NPAS3: variants seen among roughly 807,000 people sequenced by gnomAD.
The protein encoded by NPAS3 is neuronal PAS domain protein 3, also known as neuronal PAS domain-containing protein 3.
NPAS3 carries 14 observed loss-of-function variants against 73.1 expected under a neutral mutation model. The observed-to-expected ratio is 0.19, with a 90% CI of 0.13 to 0.30. The LOEUF (loss-of-function observed/expected upper bound fraction) is 0.30. NPAS3 is among the 10% of genes least tolerant of loss of function. The pLI, the probability that NPAS3 is intolerant of heterozygous loss-of-function variation, is 1.00. For missense variants in NPAS3, 1,096 were observed against 1,250.0 expected (o/e 0.88, Z 1.86); for synonymous variants, 620 against 541.5 (o/e 1.14, Z -2.01).
chr14:33,559,158 CTT>C (rs1228858764), intron 4 of NPAS3, among the ~76,000 whole-genome samples: 2 of 152,016 alleles, frequency 1.3e-5, no homozygotes, highest in Non-Finnish European at 2.9e-5. Flanking sequence ...TTTCTTTATT[CTT>C]TCTTTCTTTC....
chr14:33,724,426 G>A (rs2061205268), intron 6 of NPAS3, among the ~76,000 whole-genome samples: 1 of 152,164 alleles, frequency 6.6e-6, no homozygotes, highest in Non-Finnish European at 1.5e-5. Context: ...TTGAGCCCAG[G>A]AGTTCAAGAC....
intron 4 of NPAS3, among the ~76,000 whole-genome samples, chr14:33,463,003 A>G (rs182324226): frequency 1.2e-4 from 18 of 152,354 alleles, no homozygotes; most frequent in Admixed American, 4.6e-4. Flanking sequence ...ACATTCTGTG[A>G]GTTAACGATT....
chr14:33,631,974 T>C (rs1194564492), intron 5 of NPAS3, among the ~76,000 whole-genome samples: 1 of 152,242 alleles, frequency 6.6e-6, no homozygotes, highest in African/African-American at 2.4e-5. Flanking sequence ...TCTTCCTTGC[T>C]GCCCAGCTAG....
chr14:33,065,997 G>C (rs1449686865), intron 2 of NPAS3, among the ~76,000 whole-genome samples: 1 of 152,086 alleles, frequency 6.6e-6, no homozygotes, highest in South Asian at 2.1e-4. Flanking sequence ...TGGGCACAAA[G>C]CATCCTGTCC....
intron 5 of NPAS3, among the ~76,000 whole-genome samples, chr14:33,617,760 GATTTTT>G (rs1286759070): frequency 6.6e-6 from 1 of 152,158 alleles, no homozygotes; most frequent in African/African-American, 2.4e-5. Context: ...TGCTAAGAGT[GATTTTT>G]ATAGCATCTT....
upstream of NPAS3, among the ~76,000 whole-genome samples, chr14:32,937,395 C>T (rs888790980): frequency 3.3e-5 from 5 of 152,098 alleles, no homozygotes; most frequent in African/African-American, 1.2e-4. Flanking sequence ...TGGGAGACTA[C>T]AAGCTTCTCT....
chr14:33,289,036 C>CCCAAGTCA (rs1388883373), intron 3 of NPAS3, among the ~76,000 whole-genome samples: 1 of 152,102 alleles, frequency 6.6e-6, no homozygotes, highest in East Asian at 1.9e-4. Flanking sequence ...CTATGTGTTT[C>CCCAAGTCA]CCAAGTCACT....
chr14:33,154,052 G>A (rs1595562747), intron 2 of NPAS3, among the ~76,000 whole-genome samples: 1 of 152,254 alleles, frequency 6.6e-6, no homozygotes, highest in African/African-American at 2.4e-5. Flanking sequence ...ACTCTTTGTT[G>A]TACAAATATT....
At chr14:32,952,458 A>G (rs1182761793) in intron 1 of NPAS3, among the ~76,000 whole-genome samples, 2 of 152,036 alleles carry the variant, frequency 1.3e-5, no homozygotes, top group African/African-American at 2.4e-5. Context: ...CAAAACAAAC[A>G]TGTTTTCAAT....
chr14:33,518,195 G>C (rs546541716), intron 4 of NPAS3, among the ~76,000 whole-genome samples: 21 of 152,120 alleles, frequency 1.4e-4, no homozygotes, highest in Admixed American at 5.2e-4. Context: ...CTCAGGCAGC[G>C]GGGGAGCCTT....
rs772476493 is a variant in NPAS3, at chr14:32,939,369, A to G, written c.50+3A>G. 2 of 701,450 alleles carry G rather than the reference A, an allele frequency of 2.9e-6. No individual in the cohort carries two copies. Among genetic ancestry groups the G allele is most frequent in the African/African-American group, 1.9e-5 (1 of 51,664 alleles). The allele number at this position is 701,450 out of a possible 1,614,324, so 43.5% of individuals were successfully genotyped here. A position where few individuals can be genotyped will look rare whatever the true frequency, so the allele number is the denominator to read the frequency against. On this transcript the variant is annotated splice_donor_region_variant and intron_variant, in intron 1 of 11. Transcript: ENST00000356141. ...CAGGATCCTTCCAGGCGAGAACGGT[A>G]ACACTTTTCTGTTTATTGAACCTGC...
Position 33,017,757 on chromosome 14 carries a change from T to C in NPAS3, c.51-38148T>C, listed in dbSNP as rs114903674. On this transcript the variant is annotated intron_variant, in intron 1 of 11. Coordinates refer to ENST00000356141, the Ensembl canonical transcript of NPAS3. The stretch of plus-strand genomic sequence containing the variant: ...GAAATATTCCCTAAATGGTAGCTAG[T>C]GCTTATTTAGAATTTACTGCACTAA... 5.3e-3 allele frequency among the ~76,000 whole-genome samples: 801 copies of C among 152,288 alleles called. 11 individuals carry two copies. Among genetic ancestry groups the C allele is most frequent in the African/African-American group, 0.018 (757 of 41,556 alleles).
intron 1 of NPAS3, among the ~76,000 whole-genome samples, chr14:33,015,430 C>G (rs1014007251): frequency 5.3e-5 from 8 of 152,102 alleles, no homozygotes; most frequent in Non-Finnish European, 1.2e-4. Flanking sequence ...TCTCTGGAAA[C>G]CATAGTAATA....
At chr14:33,071,516 A>G (rs968161740) in intron 2 of NPAS3, among the ~76,000 whole-genome samples, 10 of 152,350 alleles carry the variant, frequency 6.6e-5, no homozygotes, top group African/African-American at 2.4e-4. Flanking sequence ...AAGATCATCA[A>G]AACAACTAAT....
intron 1 of NPAS3, among the ~76,000 whole-genome samples, chr14:32,951,908 A>G (rs2036498805): frequency 6.6e-6 from 1 of 152,084 alleles, no homozygotes; most frequent in African/African-American, 2.4e-5. Flanking sequence ...TGTAGTGCAG[A>G]CAGATTTGAA....
intron 4 of NPAS3, among the ~76,000 whole-genome samples, chr14:33,371,583 C>T (rs2046090686): frequency 6.6e-6 from 1 of 152,098 alleles, no homozygotes; most frequent in South Asian, 2.1e-4. Context: ...GGCTAAATGC[C>T]ATTCTATACT....
intron 6 of NPAS3, among the ~76,000 whole-genome samples, chr14:33,687,179 A>C (rs1595440792): frequency 6.6e-6 from 1 of 152,214 alleles, no homozygotes; most frequent in Non-Finnish European, 1.5e-5. Flanking sequence ...TTAAGCTTTC[A>C]CACATGACTG....
intron 4 of NPAS3, among the ~76,000 whole-genome samples, chr14:33,394,519 T>A (rs1221886061): frequency 6.6e-6 from 1 of 152,168 alleles, no homozygotes; most frequent in Non-Finnish European, 1.5e-5. Context: ...CCCTGGCTTG[T>A]CCTATTCAGC....
chr14:33,732,352 G>C (rs2061422575), intron 6 of NPAS3, among the ~76,000 whole-genome samples: 1 of 152,150 alleles, frequency 6.6e-6, no homozygotes, highest in Non-Finnish European at 1.5e-5. Context: ...ACGTGAGACA[G>C]TTCAAAAGCA....
Sources: gnomAD v4.1 joint callset for allele counts (sites outside exome capture counted in the v4.1 genomes callset) on GRCh38, gnomAD v4.1.1 for gene constraint, MANE v1.5 for transcripts, NCBI Gene and HGNC (gene_info 2026-07-23, HGNC 2026-07-21) for gene names.